Variants in GRIK4 observed in about 807,000 individuals in gnomAD.
GRIK4 encodes the protein glutamate ionotropic receptor kainate type subunit 4.
GRIK4 carries 40 observed loss-of-function variants against 104.9 expected under a neutral mutation model. The ratio of observed to expected loss-of-function variants is 0.38; its 90% CI spans 0.30 to 0.50. GRIK4 has a LOEUF of 0.50. Ranked by LOEUF, GRIK4 falls within the 20% of genes least tolerant of loss-of-function variation. The pLI is 0.93. For synonymous variants in GRIK4, 485 were observed against 524.9 expected, an observed-to-expected ratio of 0.92 and a Z score of 1.04; for missense variants, 1,047 against 1,308.1, an observed-to-expected ratio of 0.80 and a Z score of 3.08.
intron 4 of GRIK4, among the ~76,000 whole-genome samples, chr11:120,811,771 C>G (rs568540233): frequency 2.0e-5 from 3 of 152,016 alleles, no homozygotes; most frequent in African/African-American, 4.8e-5. Context: ...ATTTTAAATG[C>G]CTAAATAATA....
At chr11:120,694,021 G>A (rs1170824048) in intron 3 of GRIK4, among the ~76,000 whole-genome samples, 2 of 152,184 alleles carry the variant, frequency 1.3e-5, no homozygotes, top group South Asian at 2.1e-4. Context: ...GCTGCCTTGG[G>A]TGACTAGGTG....
chr11:120,901,576 TGA>T (rs1268459012), intron 12 of GRIK4, among the ~76,000 whole-genome samples: 2 of 152,206 alleles, frequency 1.3e-5, no homozygotes, highest in African/African-American at 4.8e-5. Flanking sequence ...CCTTCTAGGA[TGA>T]GAGCTCCTCG....
chr11:120,932,883 AC>A (rs1943511589), intron 13 of GRIK4, among the ~76,000 whole-genome samples: 1 of 152,190 alleles, frequency 6.6e-6, no homozygotes, highest in Admixed American at 6.5e-5. Flanking sequence ...GAGGAGGTGT[AC>A]TGTAAAAAGG....
chr11:120,767,032 A>G (rs1418204417), intron 3 of GRIK4, among the ~76,000 whole-genome samples: 2 of 152,062 alleles, frequency 1.3e-5, no homozygotes, highest in East Asian at 1.9e-4. Flanking sequence ...TATCTTTATA[A>G]GGTAGTGATT....
chr11:120,634,637 G>A (rs1013366696), intron 1 of GRIK4, among the ~76,000 whole-genome samples: 1 of 152,118 alleles, frequency 6.6e-6, no homozygotes, highest in Non-Finnish European at 1.5e-5. Context: ...TCTGTCAGAT[G>A]GGAGACTTGT....
At chr11:120,638,540 T>G (rs1370790621) in intron 1 of GRIK4, among the ~76,000 whole-genome samples, 1 of 151,738 alleles carries the variant, frequency 6.6e-6, no homozygotes, top group Non-Finnish European at 1.5e-5. Context: ...TGCAGTGGCA[T>G]GATCTCGGCT....
At chr11:120,701,951 CTT>C (rs34068640) in intron 3 of GRIK4, among the ~76,000 whole-genome samples, 5,178 of 91,750 alleles carry the variant, frequency 0.056, 67 homozygotes, top group African/African-American at 0.11. Flanking sequence ...TGATTCCAAG[CTT>C]TTTTTTTTTT....
intron 6 of GRIK4, among the ~76,000 whole-genome samples, chr11:120,821,296 G>A (rs1442696641): frequency 2.0e-5 from 3 of 152,202 alleles, no homozygotes; most frequent in Non-Finnish European, 4.4e-5. Context: ...GGCTTCAACT[G>A]GATCTCAAAG....
intron 3 of GRIK4, among the ~76,000 whole-genome samples, chr11:120,741,341 C>T (rs1028036496): frequency 1.8e-4 from 25 of 137,960 alleles, no homozygotes; most frequent in Non-Finnish European, 3.0e-4. Context: ...TGCAGCGGTG[C>T]GACCTTGACT....
chr11:120,922,206 T>C (rs148694877), intron 13 of GRIK4, among the ~76,000 whole-genome samples: 1 of 152,338 alleles, frequency 6.6e-6, no homozygotes, highest in African/African-American at 2.4e-5. Context: ...GGCAAAAGTA[T>C]ATTGCCCCCA....
chr11:120,762,390 G>A (rs2135442609), intron 3 of GRIK4, among the ~76,000 whole-genome samples: 1 of 152,312 alleles, frequency 6.6e-6, no homozygotes, highest in East Asian at 1.9e-4. Flanking sequence ...TCTGCAAACA[G>A]AAATAATTTG....
intron 13 of GRIK4, among the ~76,000 whole-genome samples, chr11:120,934,132 G>T (rs1215448989): frequency 6.6e-6 from 1 of 151,284 alleles, no homozygotes; most frequent in African/African-American, 2.4e-5. Context: ...GTGAACCCGG[G>T]AGGCGGAGGT....
chr11:120,596,871 C>T (rs755113518), intron 1 of GRIK4, among the ~76,000 whole-genome samples: 4 of 152,052 alleles, frequency 2.6e-5, no homozygotes, highest in African/African-American at 9.7e-5. Context: ...ATTACAGGTG[C>T]CCGCCACCAC....
chr11:120,922,588 C>T (rs1943248508), intron 13 of GRIK4, among the ~76,000 whole-genome samples: 3 of 152,206 alleles, frequency 2.0e-5, no homozygotes, highest in Admixed American at 6.5e-5. Flanking sequence ...GGCTTGGCCT[C>T]GCCAACTCAC....
Position 120,806,098 on chromosome 11 carries a change from G to T in GRIK4, c.247+3241G>T, listed in dbSNP as rs543106059. Among the ~76,000 whole-genome samples the T allele has an allele frequency of 3.5e-4, 53 of 152,146 alleles. 1 individual carries two copies. Among genetic ancestry groups the T allele is most frequent in the Middle Eastern group, 3.2e-3 (1 of 316 alleles). On this transcript the variant is annotated intron_variant, in intron 4 of 20. Transcript: ENST00000527524. ...TCACTGGGAACGGTGTAGGTGAAAC[G>T]CTCGGCACTGCACATAGCAGGACTT...
intron 11 of GRIK4, among the ~76,000 whole-genome samples, chr11:120,890,810 A>G (rs1483307826): frequency 6.6e-6 from 1 of 152,238 alleles, no homozygotes; most frequent in Non-Finnish European, 1.5e-5. Flanking sequence ...CTGAGTGCCC[A>G]GAATGCAAAG....
At chr11:120,598,818 G>C (rs1425927442) in intron 1 of GRIK4, among the ~76,000 whole-genome samples, 2 of 152,250 alleles carry the variant, frequency 1.3e-5, no homozygotes, top group African/African-American at 4.8e-5. Flanking sequence ...CTATCTTGCA[G>C]AAGAGGGAAG....
chr11:120,822,817 G>A (rs1251178992), intron 6 of GRIK4, among the ~76,000 whole-genome samples: 2 of 152,164 alleles, frequency 1.3e-5, no homozygotes, highest in South Asian at 2.1e-4. Context: ...ACACATTAGC[G>A]TGGACACACT....
chr11:120,548,123 A>C lies in GRIK4; in HGVS notation c.-159+36236A>C, dbSNP rs567224243. Among the ~76,000 whole-genome samples the C allele has an allele frequency of 1.6e-4, 24 of 152,252 alleles. No homozygotes were observed. The South Asian group carries it at 4.8e-3, about 30-fold the overall frequency. On this transcript the variant is annotated intron_variant, in intron 1 of 20. Transcript: ENST00000527524. ...GCTGGTAGGTGACTCAGCCCGAATC[A>C]ATTGCAGGCCTGCTGGACTCTGAGG...
Sources: gnomAD v4.1 joint callset for allele counts (sites outside exome capture counted in the v4.1 genomes callset) on GRCh38, gnomAD v4.1.1 for gene constraint, MANE v1.5 for transcripts, NCBI Gene and HGNC (gene_info 2026-07-23, HGNC 2026-07-21) for gene names.